Variants in CRBN observed in about 807,000 individuals in gnomAD.
CRBN encodes protein cereblon.
CRBN carries 53 observed loss-of-function variants against 62.2 expected under a neutral mutation model. The observed-to-expected ratio is 0.85, with a 90% CI of 0.68 to 1.07. The LOEUF (loss-of-function observed/expected upper bound fraction) is 1.07. Ranked by LOEUF, CRBN falls within the 50% of genes least tolerant of loss-of-function variation. The pLI is 0.00. For synonymous variants in CRBN, 208 were observed against 176.1 expected, an observed-to-expected ratio of 1.18 and a Z score of -1.43; for missense variants, 616 against 531.1, an observed-to-expected ratio of 1.16 and a Z score of -1.57.
chr3:3,153,554 T>G lies in CRBN; in HGVS notation c.952-66A>C, dbSNP rs1009525432. On this transcript the variant is annotated intron_variant, in intron 8 of 10. Transcript: ENST00000231948. ...GCATTCACTTTATCATGTAATCACA[T>G]AGATCATCAAGAAACTTACTTATAA... 13 of 883,748 alleles carry G rather than the reference T, an allele frequency of 1.5e-5. No homozygotes were observed. In the African/African-American group the frequency reaches 1.8e-4, roughly 12 times the overall value. 54.7% of individuals were successfully genotyped at this position (883,748 alleles called of 1,614,324 possible). A position where few individuals can be genotyped will look rare whatever the true frequency, so the allele number is the denominator to read the frequency against.
chr3:3,152,159 T>TTC (rs1553559021), intron 10 of CRBN, among the ~76,000 whole-genome samples: 4 of 150,710 alleles, frequency 2.7e-5, no homozygotes, highest in African/African-American at 9.7e-5. Flanking sequence ...AATTTTTTTT[T>TTC]TTTTTTAAAT....
At chr3:3,175,290 A>G (rs759046149) in intron 1 of CRBN, 21 bp from the exon 2 acceptor site, 4 of 1,505,678 alleles carry the variant, frequency 2.7e-6, no homozygotes, top group East Asian at 4.5e-5. Context: ...AGAATATTGT[A>G]AGAAAAAAAA....
chr3:3,160,182 G>C (rs1257906723), intron 5 of CRBN, among the ~76,000 whole-genome samples: 1 of 152,154 alleles, frequency 6.6e-6, no homozygotes, highest in African/African-American at 2.4e-5. Context: ...CAACAACGTA[G>C]AATGTTCAAA....
At chr3:3,179,023 C>G (rs1707953790) in intron 1 of CRBN, among the ~76,000 whole-genome samples, 2 of 151,952 alleles carry the variant, frequency 1.3e-5, no homozygotes, top group African/African-American at 4.8e-5. Context: ...GTAAGAAAAA[C>G]AAAACAGAGA....
Position 3,150,687 on chromosome 3 carries a change from G to GTT in CRBN, c.*177_*178insAA. 1.6e-6 allele frequency: 1 copy of GTT among 616,976 alleles called. No individual in the cohort carries two copies. The highest frequency in any genetic ancestry group is 2.0e-5 in the South Asian group (1 of 50,502). The allele number at this position is 616,976 out of a possible 1,614,324, so 38.2% of individuals were successfully genotyped here. On this transcript the variant is annotated 3_prime_UTR_variant, in exon 11 of 11. Transcript: ENST00000231948. ...CTGCCGTTCATGCTTGTTTCCTAAA[G>GTT]TATACTTAAAAGTTTCAAATACAGT...
chr3:3,154,768 A>G lies in CRBN; in HGVS notation c.814T>C (p.Ser272Pro). The G allele has an allele frequency of 6.3e-7, 1 of 1,599,852 alleles. No individual in the cohort carries two copies. The highest frequency in any genetic ancestry group is 1.3e-5 in the African/African-American group (1 of 74,740). Residue 272 changes from serine (S) to proline (P), a missense_variant, in exon 7 of 11, where the codon TCT becomes CCT. Coordinates refer to ENST00000231948, the MANE Select transcript of CRBN (RefSeq NM_016302.4). ...REWDENLKDDSLPSNPIDFSY... is the reference protein window; with the variant it reads ...REWDENLKDDPLPSNPIDFSY... ...ATACCTATTGGATTTGAAGGAAGAG[A>G]ATCATCTTTTAGATTTTCATCCCAT... is the stretch of plus-strand genomic sequence containing the variant.
chr3:3,154,916 C>G, intron 6 of CRBN, 85 bp from the exon 7 acceptor site: 1 of 799,004 alleles, frequency 1.3e-6, no homozygotes, highest in Non-Finnish European at 2.2e-6. Context: ...AAAACTAACA[C>G]TGGTAGCAAT....
In CRBN at chr3:3,174,108, C is replaced by A. The variant is rs1460337269; in HGVS notation, c.328G>T (p.Val110Leu). 1.2e-6 allele frequency: 2 copies of A among 1,614,044 alleles called. No homozygotes were observed. Among genetic ancestry groups the A allele is most frequent in the Admixed American group, 1.7e-5 (1 of 60,000 alleles). Residue 110 changes from valine (V) to leucine (L), a missense_variant, in exon 3 of 11, where the codon GTG becomes TTG. Coordinates refer to ENST00000231948, the MANE Select transcript of CRBN (RefSeq NM_016302.4). ...QLFHPQEVSM[V>L]RNLIQKDRTF... ...CTATCTTTCTGAATTAAATTCCGCA[C>A]CATACTGACTTCTTGAGGGTGAAAA...
rs541375267 is a variant in CRBN, at chr3:3,165,226, G to A, written c.687+2408C>T. 4.6e-5 allele frequency among the ~76,000 whole-genome samples: 7 copies of A among 152,316 alleles called. No individual in the cohort carries two copies. In the South Asian group the frequency reaches 1.2e-3, roughly 27 times the overall value. On this transcript the variant is annotated intron_variant, in intron 5 of 10. Coordinates refer to ENST00000231948, the MANE Select transcript of CRBN (RefSeq NM_016302.4). ...GTTTCTTGAGAAGAAATCTACTGCT[G>A]AAGATGTTGTGAATGTTGAAATGAC... is the stretch of plus-strand genomic sequence containing the variant.
intron 9 of CRBN, 132 bp downstream of exon 9, chr3:3,153,292 A>C (rs1481662244): frequency 1.6e-6 from 1 of 633,438 alleles, no homozygotes; most frequent in African/African-American, 1.8e-5. Flanking sequence ...AAAGTGAGCT[A>C]ATTCCCTATA....
intron 1 of CRBN, 131 bp downstream of exon 1, chr3:3,179,490 C>A: frequency 1.2e-6 from 1 of 806,508 alleles, no homozygotes; most frequent in Non-Finnish European, 2.0e-6. Flanking sequence ...AAGCAGCTTT[C>A]CGGTGCGGCC....
intron 4 of CRBN, among the ~76,000 whole-genome samples, chr3:3,168,642 A>G (rs545949622): frequency 4.6e-5 from 7 of 152,298 alleles, no homozygotes; most frequent in African/African-American, 1.7e-4. Context: ...TATTAGTTAT[A>G]CTTAAGACTT....
chr3:3,173,043 C>T (rs985901962), intron 3 of CRBN, 118 bp from the exon 4 acceptor site: 1 of 789,970 alleles, frequency 1.3e-6, no homozygotes, highest in South Asian at 1.4e-5. Flanking sequence ...TACTACAAAG[C>T]TAGGATAATT....
At chr3:3,161,014 C>T (rs1031626587) in intron 5 of CRBN, among the ~76,000 whole-genome samples, 1 of 152,076 alleles carries the variant, frequency 6.6e-6, no homozygotes, top group African/African-American at 2.4e-5. Flanking sequence ...AGTAATGAAA[C>T]CACAGCAAGT....
chr3:3,153,421 T>G lies in CRBN; in HGVS notation c.1016+3A>C. 1 of 1,463,468 alleles carries G rather than the reference T, an allele frequency of 6.8e-7. No individual in the cohort carries two copies. Among genetic ancestry groups the G allele is most frequent in the South Asian group, 1.1e-5 (1 of 87,930 alleles). The allele number at this position is 1,463,468 out of a possible 1,614,324, so 90.7% of individuals were successfully genotyped here. ...TATATTAAAAACGTAATAAAGACCT[T>G]ACCTGAATATTTCATTTTTGGTTGT... is the stretch of plus-strand genomic sequence containing the variant. On this transcript the variant is annotated splice_donor_region_variant and intron_variant, in intron 9 of 10. Transcript: ENST00000231948.
At chr3:3,177,707 C>G (rs1707882756) in intron 1 of CRBN, among the ~76,000 whole-genome samples, 1 of 152,228 alleles carries the variant, frequency 6.6e-6, no homozygotes, top group African/African-American at 2.4e-5. Context: ...GACTCCTAGT[C>G]TCTAAATAAT....
chr3:3,159,395 T>C (rs1034375589), intron 5 of CRBN, among the ~76,000 whole-genome samples: 6 of 152,202 alleles, frequency 3.9e-5, no homozygotes, highest in Non-Finnish European at 5.9e-5. Context: ...TAAAATATAC[T>C]TCACATATCA....
At chr3:3,162,171 G>A (rs774498758) in intron 5 of CRBN, among the ~76,000 whole-genome samples, 3 of 152,108 alleles carry the variant, frequency 2.0e-5, no homozygotes, top group Non-Finnish European at 4.4e-5. Context: ...TTTCCCATTT[G>A]ACTTATCTTT....
Position 3,150,892 on chromosome 3 carries a change from A to G in CRBN, c.1302T>C (p.Ser434=). Residue 434 remains serine, a synonymous_variant, in exon 11 of 11, where the codon AGT becomes AGC. Coordinates refer to ENST00000231948, the MANE Select transcript of CRBN (RefSeq NM_016302.4). ...ACAAGCAAAGTATTACTTTGTCTGG[A>G]CTTATTTCATCTTCAGTGTCTGGGA... is the stretch of plus-strand genomic sequence containing the variant. ...PTIPDTEDEI[S]PDKVILCL is the part of the protein sequence containing the mutation. 1 of 1,613,864 alleles carries G rather than the reference A, an allele frequency of 6.2e-7. No homozygotes were observed. The highest frequency in any genetic ancestry group is 8.5e-7 in the Non-Finnish European group (1 of 1,179,886).
Sources: allele counts gnomAD v4.1 joint callset (sites outside exome capture counted in the v4.1 genomes callset), GRCh38; gene constraint gnomAD v4.1.1; transcripts MANE v1.5; gene names NCBI Gene and HGNC (gene_info 2026-07-23, HGNC 2026-07-21).